Variants in TMEM51 observed in about 807,000 individuals in gnomAD.
TMEM51 encodes the protein transmembrane protein 51.
In TMEM51, 8 loss-of-function variants were observed where a neutral mutation model predicts 13.6. That is an observed-to-expected ratio of 0.59 (90% CI 0.35 to 1.07). The LOEUF is 1.07. Ranked by LOEUF, TMEM51 falls within the 50% of genes least tolerant of loss-of-function variation. The probability of loss-of-function intolerance (pLI) is 0.02; values close to 1 mark genes in which losing one functional copy is unlikely to be tolerated. For missense variants in TMEM51, 279 were observed against 330.7 expected, an observed-to-expected ratio of 0.84 and a Z score of 1.21; for synonymous variants, 147 against 144.4, an observed-to-expected ratio of 1.02 and a Z score of -0.13.
chr1:15,203,427 G>T (rs1324293792), intron 1 of TMEM51, among the ~76,000 whole-genome samples: 1 of 142,412 alleles, frequency 7.0e-6, no homozygotes, highest in Non-Finnish European at 1.5e-5. Context: ...GCTAATTTTT[G>T]TATTTTTTTT....
At position 15,184,321 on chromosome 1, in the gene TMEM51, G is replaced by C. The variant is rs374573143; in HGVS notation, c.-266-26169G>C. 9.3e-4 allele frequency among the ~76,000 whole-genome samples: 142 copies of C among 152,308 alleles called. 1 individual carries two copies. Among genetic ancestry groups the C allele is most frequent in the African/African-American group, 3.4e-3 (140 of 41,570 alleles). On this transcript the variant is annotated intron_variant, in intron 1 of 3. Transcript: ENST00000376008. ...ATTACAGGTGTGAACCACCACGCCT[G>C]GCCTTGCCTTTCTCACCAGCTCTCA...
At chr1:15,205,596 G>T (rs929215315) in intron 1 of TMEM51, among the ~76,000 whole-genome samples, 2 of 152,222 alleles carry the variant, frequency 1.3e-5, no homozygotes, top group Non-Finnish European at 2.9e-5. Flanking sequence ...GTGTTTAAAA[G>T]TGTGGGTTTT....
At chr1:15,155,672 G>A (rs1642567441) in intron 1 of TMEM51, among the ~76,000 whole-genome samples, 1 of 152,136 alleles carries the variant, frequency 6.6e-6, no homozygotes, top group Admixed American at 6.5e-5. Flanking sequence ...GGGGTGTGCT[G>A]GGCTGGGGAA....
intron 1 of TMEM51, chr1:15,164,517 A>G (rs1049014278): frequency 1.8e-5 from 8 of 454,712 alleles, no homozygotes; most frequent in East Asian, 7.0e-5. Flanking sequence ...GATAATATCA[A>G]TGTAACTTCT....
intron 1 of TMEM51, among the ~76,000 whole-genome samples, chr1:15,158,279 T>C (rs1642653941): frequency 6.6e-6 from 1 of 152,178 alleles, no homozygotes; most frequent in African/African-American, 2.4e-5. Flanking sequence ...TTCACCACTG[T>C]GGGAGTCCAG....
rs78730794 is a variant in TMEM51 at position 15,156,232 on chromosome 1, C to T, written c.-267+2278C>T. Among the ~76,000 whole-genome samples the T allele has an allele frequency of 7.2e-3, 1,095 of 152,268 alleles. 13 individuals are homozygous for T. The highest frequency in any genetic ancestry group is 0.021 in the African/African-American group (887 of 41,548). On this transcript the variant is annotated intron_variant, in intron 1 of 3. Transcript: ENST00000376008. ...TCCGGCTCGCTGGCTCCAGATGTCA[C>T]GAGGCCTGGGAGTTTCTCTGTCTGC...
intron 1 of TMEM51, among the ~76,000 whole-genome samples, chr1:15,186,228 G>A (rs1049731733): frequency 2.6e-5 from 4 of 152,226 alleles, no homozygotes; most frequent in African/African-American, 9.7e-5. Context: ...TTGGCACTGG[G>A]GAGCCACTGA....
chr1:15,197,774 T>G (rs2024547), intron 1 of TMEM51, among the ~76,000 whole-genome samples: 93,191 of 151,530 alleles, frequency 0.61, 29,209 homozygotes, highest in East Asian at 0.93. Context: ...CAGGGTCCTT[T>G]CCTTCAGCTG....
rs184944000 is a variant in TMEM51 at position 15,207,750 on chromosome 1, C to T, written c.-266-2740C>T. Among the ~76,000 whole-genome samples, 6 of 152,326 alleles carry T rather than the reference C, an allele frequency of 3.9e-5. No individual in the cohort carries two copies. Among genetic ancestry groups the T allele is most frequent in the Admixed American group, 6.5e-5 (1 of 15,306 alleles). On this transcript the variant is annotated intron_variant, in intron 1 of 3. Coordinates refer to ENST00000376008, the MANE Select transcript of TMEM51 (RefSeq NM_001136218.2). This position sits in a 1 kb window ranked among gnomAD's most constrained non-coding sequence, Gnocchi z 4.6. ...CTTCCACCTGCAAAGGCCAGGCAAC[C>T]GCTGAAACCTCCAGCCCCACCAGGG...
chr1:15,172,087 T>C (rs937200351), intron 1 of TMEM51, among the ~76,000 whole-genome samples: 1 of 152,130 alleles, frequency 6.6e-6, no homozygotes, highest in Non-Finnish European at 1.5e-5. Flanking sequence ...GAAAAGAAAG[T>C]GGACTCTGTC....
chr1:15,175,537 T>C (rs560925500), intron 1 of TMEM51, among the ~76,000 whole-genome samples: 1 of 152,346 alleles, frequency 6.6e-6, no homozygotes, highest in South Asian at 2.1e-4. Context: ...CCTCTGTGTA[T>C]TAGTCTGTTC....
At chr1:15,196,948 A>G (rs1343922578) in intron 1 of TMEM51, among the ~76,000 whole-genome samples, 2 of 152,146 alleles carry the variant, frequency 1.3e-5, no homozygotes, top group African/African-American at 4.8e-5. Flanking sequence ...GTAATGAATG[A>G]GCTCTTATCA....
At chr1:15,201,669 A>G (rs564154586) in intron 1 of TMEM51, among the ~76,000 whole-genome samples, 13 of 152,326 alleles carry the variant, frequency 8.5e-5, no homozygotes, top group Non-Finnish European at 1.6e-4. Context: ...AAAGTCAGGT[A>G]TAAAGTGGAG....
chr1:15,204,629 G>A (rs1458497974), intron 1 of TMEM51, among the ~76,000 whole-genome samples: 1 of 152,206 alleles, frequency 6.6e-6, no homozygotes, highest in Non-Finnish European at 1.5e-5. Context: ...CTAAACAAGG[G>A]GCTTTGTGGA....
chr1:15,157,107 C>T (rs1187808025), intron 1 of TMEM51, among the ~76,000 whole-genome samples: 1 of 152,178 alleles, frequency 6.6e-6, no homozygotes, highest in Non-Finnish European at 1.5e-5. Flanking sequence ...GTTTGGTTTC[C>T]CAATACCAGG....
rs1217024335 is a variant in TMEM51, at chr1:15,213,537, G to GCTC, written c.-193-1348_-193-1346dup. On this transcript the variant is annotated intron_variant, in intron 2 of 3. Transcript: ENST00000376008. ...AGAGGTTTAGCAAGGGGCATTGCTT[G>GCTC]CTCCTCCTCCTCAGTCCTTGAGAAT... 3.3e-5 allele frequency among the ~76,000 whole-genome samples: 5 copies of GCTC among 152,244 alleles called. No individual in the cohort carries two copies. In the East Asian group the frequency reaches 9.7e-4, roughly 29 times the overall value.
At chr1:15,171,852 C>G (rs6429723) in intron 1 of TMEM51, among the ~76,000 whole-genome samples, 143,046 of 152,182 alleles carry the variant, frequency 0.94, 67,274 homozygotes, top group East Asian at 0.99. Flanking sequence ...CTCTGCTGGG[C>G]GTTCCCTGAC....
At position 15,219,781 on chromosome 1, in the gene TMEM51, C is replaced by T. The variant is rs774603412; in HGVS notation, c.*38C>T. Reference sequence around the variant, plus strand: ...GAGCCACGCTCCCTCCTGTCTCTCACACCTTTCACCCCCAAGACTCTAACA... The same window carrying T: ...GAGCCACGCTCCCTCCTGTCTCTCATACCTTTCACCCCCAAGACTCTAACA... On this transcript the variant is annotated 3_prime_UTR_variant, in exon 4 of 4. Coordinates refer to ENST00000376008, the MANE Select transcript of TMEM51 (RefSeq NM_001136218.2). 1.1e-5 allele frequency: 18 copies of T among 1,592,776 alleles called. No individual in the cohort carries two copies. The African/African-American group carries it at 2.2e-4, about 19-fold the overall frequency.
chr1:15,167,909 C>A (rs1400542969), intron 1 of TMEM51, among the ~76,000 whole-genome samples: 1 of 152,128 alleles, frequency 6.6e-6, no homozygotes, highest in African/African-American at 2.4e-5. Flanking sequence ...TTCATTAACT[C>A]TTTTTCTTTA....
Sources: gnomAD v4.1 joint callset for allele counts (sites outside exome capture counted in the v4.1 genomes callset) on GRCh38, gnomAD v4.1.1 for gene constraint, Gnocchi (gnomAD v3.1) non-coding constraint, MANE v1.5 for transcripts, NCBI Gene and HGNC (gene_info 2026-07-23, HGNC 2026-07-21) for gene names.